CWF19L1: variants seen among roughly 807,000 people sequenced by gnomAD.
CWF19L1 encodes the protein CWF19 like cell cycle control factor 1.
In CWF19L1, 60 loss-of-function variants were observed where a neutral mutation model predicts 69.7. That is an observed-to-expected ratio of 0.86 (90% confidence interval 0.70 to 1.07). CWF19L1 has a LOEUF of 1.07. Among genes scored for constraint, CWF19L1 ranks in the 50% least tolerant of loss-of-function variants. The probability of loss-of-function intolerance (pLI) is 0.00; values close to 1 mark genes in which losing one functional copy is unlikely to be tolerated. For missense variants in CWF19L1, 591 were observed against 638.9 expected (o/e 0.92, Z 0.81); for synonymous variants, 209 against 222.2 (o/e 0.94, Z 0.53).
At chr10:100,258,276 G>T (rs1847278927) in intron 4 of CWF19L1, among the ~76,000 whole-genome samples, 1 of 152,182 alleles carries the variant, frequency 6.6e-6, no homozygotes, top group Non-Finnish European at 1.5e-5. Context: ...CCAACTATAT[G>T]TTGGATGTCC....
chr10:100,252,219 A>C (rs1304766109), intron 6 of CWF19L1, among the ~76,000 whole-genome samples: 1 of 152,198 alleles, frequency 6.6e-6, no homozygotes, highest in Admixed American at 6.5e-5. Flanking sequence ...CTTGACCTCT[A>C]TATCAGGAGA....
intron 6 of CWF19L1, among the ~76,000 whole-genome samples, chr10:100,251,806 C>CA (rs942474122): frequency 2.6e-5 from 4 of 152,126 alleles, no homozygotes; most frequent in African/African-American, 4.8e-5. Context: ...CCACCACACC[C>CA]AGCCCTATTG....
Position 100,267,570 on chromosome 10 carries a change from C to G in CWF19L1, c.23+1G>C. On this transcript the variant is annotated splice_donor_variant, in intron 1 of 13. Coordinates refer to ENST00000354105, the MANE Select transcript of CWF19L1 (RefSeq NM_018294.6). LOFTEE classifies it high-confidence loss of function. ...AGAGGCTTCCATTCACGGTCACTCACAGGCGCAGCGGTTTCTGTGCCATCT... is the reference window on the plus strand; with the variant it reads ...AGAGGCTTCCATTCACGGTCACTCAGAGGCGCAGCGGTTTCTGTGCCATCT... The G allele has an allele frequency of 6.2e-7, 1 of 1,614,224 alleles. No homozygotes were observed. The highest frequency in any genetic ancestry group is 8.5e-7 in the Non-Finnish European group (1 of 1,180,048).
chr10:100,253,685 T>C (rs1847116924), intron 5 of CWF19L1, 146 bp from the exon 6 acceptor site: 2 of 551,064 alleles, frequency 3.6e-6, no homozygotes, highest in Admixed American at 6.9e-5. Context: ...TTCATAAGTA[T>C]GGCAATCAGA....
In CWF19L1 at chr10:100,260,085, T is replaced by C; in HGVS notation, c.289+133A>G. ...CAGGAGGCTGAGGCAGGAGAATCAC[T>C]TGAACCCGGGAGGTGGAGGTTACAG... On this transcript the variant is annotated intron_variant, in intron 4 of 13. Transcript: ENST00000354105. The C allele has an allele frequency of 5.1e-6, 3 of 583,734 alleles. No individual in the cohort carries two copies. The South Asian group carries it at 6.1e-5, about 12-fold the overall frequency. The allele number at this position is 583,734 out of a possible 1,614,324, so 36.2% of individuals were successfully genotyped here. A position where few individuals can be genotyped will look rare whatever the true frequency, so the allele number is the denominator to read the frequency against.
intron 10 of CWF19L1, among the ~76,000 whole-genome samples, chr10:100,242,063 A>C (rs1564852063): frequency 6.6e-6 from 1 of 152,238 alleles, no homozygotes; most frequent in Non-Finnish European, 1.5e-5. Context: ...TTTAATGTCT[A>C]ATCCAGCCCT....
At chr10:100,262,437 G>C (rs1847436651) in intron 1 of CWF19L1, 2 of 985,048 alleles carry the variant, frequency 2.0e-6, no homozygotes, top group South Asian at 9.4e-5. Flanking sequence ...TTCTTATTTT[G>C]ACTCCTCCTA....
chr10:100,233,585 T>C lies in CWF19L1; in HGVS notation c.1473-214A>G, dbSNP rs146956555. ...TTCAAACCCCACTTGCTTCTCCCTC[T>C]CTTAAAAAACTTGGAACTATATTAT... is the stretch of plus-strand genomic sequence containing the variant. On this transcript the variant is annotated intron_variant, in intron 13 of 13. Transcript: ENST00000354105. 4.4e-4 allele frequency: 179 copies of C among 402,310 alleles called. No individual in the cohort carries two copies. The East Asian group carries it at 6.9e-3, about 15-fold the overall frequency. 24.9% of individuals were successfully genotyped at this position (402,310 alleles called of 1,614,324 possible).
intron 2 of CWF19L1, among the ~76,000 whole-genome samples, chr10:100,261,529 T>C (rs904921617): frequency 6.6e-6 from 1 of 152,226 alleles, no homozygotes; most frequent in Admixed American, 6.5e-5. Flanking sequence ...GAACAAATTA[T>C]CCTCATACCT....
chr10:100,246,903 C>T lies in CWF19L1; in HGVS notation c.741G>A (p.Lys247=). ...TTACCAGTTCTGCTGCATCCATTAG[C>T]TTCATGGGAACAATACTGAACGCGT... is the stretch of plus-strand genomic sequence containing the variant. ...YLYAFSIVPM[K]LMDAAELVKQ... Residue 247 remains lysine, a synonymous_variant, in exon 8 of 14, where the codon AAG becomes AAA. Transcript: ENST00000354105. The T allele has an allele frequency of 1.9e-6, 3 of 1,613,580 alleles. No individual in the cohort carries two copies. Among genetic ancestry groups the T allele is most frequent in the Non-Finnish European group, 2.5e-6 (3 of 1,179,638 alleles).
chr10:100,262,180 C>T, intron 1 of CWF19L1, 117 bp from the exon 2 acceptor site: 1 of 1,419,316 alleles, frequency 7.0e-7, no homozygotes, highest in Non-Finnish European at 9.2e-7. Flanking sequence ...CTGCAGTTAC[C>T]TTGCAAGGTT....
chr10:100,265,092 G>A (rs1200711740), intron 1 of CWF19L1, among the ~76,000 whole-genome samples: 1 of 150,632 alleles, frequency 6.6e-6, no homozygotes, highest in Non-Finnish European at 1.5e-5. Flanking sequence ...TTGCACTCCA[G>A]CCTGGGCGAC....
In CWF19L1 at chr10:100,262,555, C is replaced by G. The variant is rs1238060689; in HGVS notation, c.24-492G>C. The G allele has an allele frequency of 3.9e-6, 3 of 766,844 alleles. No individual in the cohort carries two copies. The African/African-American group carries it at 5.7e-5, about 15-fold the overall frequency. The allele number at this position is 766,844 out of a possible 1,614,324, so 47.5% of individuals were successfully genotyped here. On this transcript the variant is annotated intron_variant, in intron 1 of 13. Transcript: ENST00000354105. ...AGTACAATATGCCAAGTATACTATGCTAAAAACATGTTAGCAGTACAAGGT... is the reference window on the plus strand; with the variant it reads ...AGTACAATATGCCAAGTATACTATGGTAAAAACATGTTAGCAGTACAAGGT...
At chr10:100,253,240 A>G (rs1281513449) in intron 6 of CWF19L1, among the ~76,000 whole-genome samples, 181 bp downstream of exon 6, 1 of 152,226 alleles carries the variant, frequency 6.6e-6, no homozygotes, top group East Asian at 1.9e-4. Context: ...GGATTTCCAA[A>G]GTGATTTCAA....
chr10:100,233,370 C>T lies in CWF19L1; in HGVS notation c.1474G>A (p.Glu492Lys), dbSNP rs777423408. Residue 492 changes from glutamate (E) to lysine (K), a missense_variant and splice_region_variant, in exon 14 of 14, where the codon GAG (glutamate) becomes AAG (lysine). Coordinates refer to ENST00000354105, the MANE Select transcript of CWF19L1 (RefSeq NM_018294.6). Reference sequence around the variant, plus strand: ...AGGATGGCTTCACTGGCCAGGACCTCCCTGCAGAAATAGCACAAAGAAGTC... The same window carrying T: ...AGGATGGCTTCACTGGCCAGGACCTTCCTGCAGAAATAGCACAAAGAAGTC... The part of the protein sequence containing the change: ...KKNFPLQFGR[E>K]VLASEAILNV... 1.2e-6 allele frequency: 2 copies of T among 1,611,374 alleles called. No individual in the cohort carries two copies. The highest frequency in any genetic ancestry group is 1.7e-6 in the Non-Finnish European group (2 of 1,178,748).
intron 3 of CWF19L1, 25 bp downstream of exon 3, chr10:100,260,941 T>C (rs750950407): frequency 2.5e-5 from 36 of 1,440,438 alleles, no homozygotes; most frequent in Non-Finnish European, 3.4e-5. Flanking sequence ...AGAAATCATA[T>C]GTTAAATAAA....
At chr10:100,260,021 A>G (rs982205230) in intron 4 of CWF19L1, among the ~76,000 whole-genome samples, 197 bp downstream of exon 4, 3 of 152,076 alleles carry the variant, frequency 2.0e-5, no homozygotes, top group African/African-American at 7.2e-5. Context: ...AAAAAAAATT[A>G]GCCGGGTATG....
At chr10:100,262,538 A>G in intron 1 of CWF19L1, 1 of 847,644 alleles carries the variant, frequency 1.2e-6, no homozygotes, top group Non-Finnish European at 1.4e-6. Flanking sequence ...TAAGTACAAT[A>G]TGCCAAGTAT....
intron 1 of CWF19L1, 141 bp downstream of exon 1, chr10:100,267,430 A>G (rs892683703): frequency 1.0e-4 from 163 of 1,556,042 alleles, no homozygotes; most frequent in Non-Finnish European, 1.4e-4. Context: ...AGGCAAAGAC[A>G]TCACCTAAGC....
Sources: gnomAD v4.1 joint callset for allele counts (sites outside exome capture counted in the v4.1 genomes callset) on GRCh38, gnomAD v4.1.1 for gene constraint, MANE v1.5 for transcripts, NCBI Gene and HGNC (gene_info 2026-07-23, HGNC 2026-07-21) for gene names.